Variants in SRFBP1 observed in about 807,000 individuals in gnomAD.
SRFBP1 encodes serum response factor binding protein 1.
A neutral mutation model predicts 45.5 loss-of-function variants in SRFBP1; 47 were observed. The observed-to-expected ratio is 1.03, with a 90% CI of 0.82 to 1.32. The LOEUF (loss-of-function observed/expected upper bound fraction) is 1.32, where lower values mean the gene tolerates loss of function less well. Among genes scored for constraint, SRFBP1 ranks in the 40% most tolerant of loss-of-function variants. The pLI is 0.00. For synonymous variants in SRFBP1, 203 were observed against 166.3 expected, an observed-to-expected ratio of 1.22 and a Z score of -1.70; for missense variants, 621 against 484.6, an observed-to-expected ratio of 1.28 and a Z score of -2.64.
intron 1 of SRFBP1, among the ~76,000 whole-genome samples, chr5:121,969,706 C>G (rs1340724161): frequency 6.6e-6 from 1 of 151,968 alleles, no homozygotes; most frequent in Non-Finnish European, 1.5e-5. Context: ...TTTCTTCAGA[C>G]CTTATAGATT....
chr5:121,987,488 G>C (rs1342181265), intron 3 of SRFBP1, among the ~76,000 whole-genome samples: 5 of 152,100 alleles, frequency 3.3e-5, no homozygotes, highest in Admixed American at 1.3e-4. Flanking sequence ...TCACTGAAAG[G>C]TAATCATAAT....
intron 1 of SRFBP1, among the ~76,000 whole-genome samples, chr5:121,973,283 G>T (rs190655921): frequency 1.3e-5 from 2 of 151,960 alleles, no homozygotes. Context: ...GGACCCCAGG[G>T]ATGGAGTGGT....
intron 3 of SRFBP1, among the ~76,000 whole-genome samples, chr5:121,990,222 A>G (rs763095366): frequency 3.3e-5 from 5 of 152,188 alleles, no homozygotes; most frequent in Non-Finnish European, 7.3e-5. Flanking sequence ...CATATATACT[A>G]TGGAATACTG....
intron 3 of SRFBP1, among the ~76,000 whole-genome samples, chr5:121,979,054 C>T (rs1752358451): frequency 1.3e-5 from 2 of 152,226 alleles, no homozygotes; most frequent in South Asian, 2.1e-4. Flanking sequence ...GCACAGCTTG[C>T]TCCTAAGTGG....
At chr5:122,022,985 C>T (rs1016288707) in intron 7 of SRFBP1, among the ~76,000 whole-genome samples, 1 of 152,174 alleles carries the variant, frequency 6.6e-6, no homozygotes, top group African/African-American at 2.4e-5. Context: ...CATCTTTTGG[C>T]GTTTTCCTCC....
intron 4 of SRFBP1, among the ~76,000 whole-genome samples, chr5:122,016,449 A>G (rs1753195321): frequency 6.6e-6 from 1 of 152,340 alleles, no homozygotes; most frequent in East Asian, 1.9e-4. Flanking sequence ...TTCCAGAATT[A>G]AAGTCTGAAA....
At chr5:122,059,556 T>C (rs1754139260) in intron 2 of SRFBP1, among the ~76,000 whole-genome samples, 1 of 152,052 alleles carries the variant, frequency 6.6e-6, no homozygotes. Context: ...TTAAAAGGAA[T>C]GGTGAGAGTA....
At chr5:122,042,404 C>G (rs1391185588) in intron 2 of SRFBP1, among the ~76,000 whole-genome samples, 1 of 152,060 alleles carries the variant, frequency 6.6e-6, no homozygotes. Flanking sequence ...GTAGCTGTGA[C>G]TACAGATACA....
chr5:122,001,462 C>G (rs1261932836), intron 4 of SRFBP1, among the ~76,000 whole-genome samples: 1 of 146,962 alleles, frequency 6.8e-6, no homozygotes, highest in East Asian at 2.0e-4. Flanking sequence ...TTACTCCACA[C>G]TAAGTGTTGT....
At chr5:122,014,039 C>G (rs1032570334) in intron 4 of SRFBP1, among the ~76,000 whole-genome samples, 1 of 152,024 alleles carries the variant, frequency 6.6e-6, no homozygotes, top group Non-Finnish European at 1.5e-5. Flanking sequence ...TTAAAATGTT[C>G]CCATCACAAA....
downstream of SRFBP1, among the ~76,000 whole-genome samples, chr5:122,078,653 C>G (rs1179866961): frequency 6.8e-6 from 1 of 146,502 alleles, no homozygotes; most frequent in Non-Finnish European, 1.5e-5. Flanking sequence ...TGGGAGGGTG[C>G]TGGGGGTGAG....
Position 121,983,245 on chromosome 5 carries a change from G to A in SRFBP1, c.198+7858G>A, listed in dbSNP as rs138028089. ...TTTTCTTCACAAGGCCATCCATTTTGTTAGAAGAGAATGTCCAGAATGAAA... is the reference window on the plus strand; with the variant it reads ...TTTTCTTCACAAGGCCATCCATTTTATTAGAAGAGAATGTCCAGAATGAAA... On this transcript the variant is annotated intron_variant, in intron 3 of 7. Coordinates refer to ENST00000339397, the MANE Select transcript of SRFBP1 (RefSeq NM_152546.3). Among the ~76,000 whole-genome samples, 201 of 151,456 alleles carry A rather than the reference G, an allele frequency of 1.3e-3. 1 individual carries two copies. Among genetic ancestry groups the A allele is most frequent in the African/African-American group, 4.6e-3 (190 of 41,398 alleles).
intron 4 of SRFBP1, among the ~76,000 whole-genome samples, chr5:121,999,702 C>G (rs142120999): frequency 6.6e-6 from 1 of 151,950 alleles, no homozygotes; most frequent in Non-Finnish European, 1.5e-5. Flanking sequence ...TCCTTAACCC[C>G]GATAATATTT....
rs5870986 is a variant in SRFBP1, at chr5:121,968,221, C to CATTATTATTATT, written c.37-5950_37-5939dup. ...AACCTCAGATAGTACCAAACTCTGT[C>CATTATTATTATT]ATTATTATTATTATTATTATTATTA... is the stretch of plus-strand genomic sequence containing the variant. On this transcript the variant is annotated intron_variant, in intron 1 of 7. Coordinates refer to ENST00000339397, the MANE Select transcript of SRFBP1 (RefSeq NM_152546.3). Among the ~76,000 whole-genome samples, 21 of 144,708 alleles carry CATTATTATTATT rather than the reference C, an allele frequency of 1.5e-4. 1 individual carries two copies. Among genetic ancestry groups the CATTATTATTATT allele is most frequent in the South Asian group, 6.6e-4 (3 of 4,526 alleles). 94.9% of individuals were successfully genotyped at this position (144,708 alleles called of 152,430 possible).
chr5:122,000,497 A>AT (rs1407368599), intron 4 of SRFBP1, among the ~76,000 whole-genome samples: 2 of 152,040 alleles, frequency 1.3e-5, no homozygotes. Flanking sequence ...AGTTTCTACA[A>AT]TTTTTTTGGC....
intron 2 of SRFBP1, among the ~76,000 whole-genome samples, chr5:122,061,067 C>T (rs1344998159): frequency 2.0e-5 from 3 of 152,026 alleles, no homozygotes; most frequent in Non-Finnish European, 2.9e-5. Context: ...AAATTCTTGA[C>T]TCCAATATTA....
intron 3 of SRFBP1, among the ~76,000 whole-genome samples, chr5:121,991,114 A>G (rs1752612994): frequency 6.6e-6 from 1 of 152,148 alleles, no homozygotes. Flanking sequence ...CATTCTTTGT[A>G]AATAATGAAT....
intron 2 of SRFBP1, among the ~76,000 whole-genome samples, chr5:122,055,881 T>A (rs887148962): frequency 2.0e-5 from 3 of 152,206 alleles, no homozygotes; most frequent in Non-Finnish European, 4.4e-5. Flanking sequence ...TACCTCTCTT[T>A]ATATGTAGGG....
At chr5:122,076,345 C>A (rs969283736), downstream of SRFBP1, among the ~76,000 whole-genome samples, 3 of 152,304 alleles carry the variant, frequency 2.0e-5, no homozygotes, top group African/African-American at 7.2e-5. Context: ...GAACCCCAAT[C>A]CCAGAGTTAC....
Sources: allele counts gnomAD v4.1 joint callset (sites outside exome capture counted in the v4.1 genomes callset), GRCh38; gene constraint gnomAD v4.1.1; transcripts MANE v1.5; gene names NCBI Gene and HGNC (gene_info 2026-07-23, HGNC 2026-07-21).